SLC22A15: variants seen among roughly 807,000 people sequenced by gnomAD.
SLC22A15 encodes the protein flipt 1.
SLC22A15 carries 45 observed loss-of-function variants against 62.7 expected under a neutral mutation model. The observed-to-expected ratio is 0.72, with a 90% CI of 0.56 to 0.92. The LOEUF is 0.92. Among genes scored for constraint, SLC22A15 ranks in the 40% least tolerant of loss-of-function variants. SLC22A15 has a pLI of 0.00. For missense variants in SLC22A15, 622 were observed against 665.6 expected (o/e 0.93, Z 0.72); for synonymous variants, 264 against 267.0 (o/e 0.99, Z 0.11).
At chr1:116,055,340 C>T (rs1658171616) in intron 8 of SLC22A15, among the ~76,000 whole-genome samples, 1 of 151,864 alleles carries the variant, frequency 6.6e-6, no homozygotes, top group Non-Finnish European at 1.5e-5. Flanking sequence ...ATACACCCTC[C>T]CAAGACTAAA....
intron 8 of SLC22A15, among the ~76,000 whole-genome samples, chr1:116,060,515 T>A (rs963108437): frequency 6.6e-6 from 1 of 152,202 alleles, no homozygotes; most frequent in Non-Finnish European, 1.5e-5. Context: ...GGCAGTTCTT[T>A]AGCCTGTTGT....
rs115777757 is a variant in SLC22A15 at position 115,977,702 on chromosome 1, G to C, written c.87+988G>C. The stretch of plus-strand genomic sequence containing the variant: ...GCTTGCATTCCAGTGGCTGCGGGTG[G>C]GGCAGGCAGACAGTTAAGTAATTTA... On this transcript the variant is annotated intron_variant, in intron 1 of 11. Transcript: ENST00000369503. 3.6e-3 allele frequency among the ~76,000 whole-genome samples: 547 copies of C among 152,298 alleles called. 5 individuals are homozygous for C. The highest frequency in any genetic ancestry group is 0.013 in the African/African-American group (531 of 41,546).
chr1:116,009,351 G>A (rs1185169433), intron 2 of SLC22A15, among the ~76,000 whole-genome samples: 7,714 of 152,194 alleles, frequency 0.051, 679 homozygotes, highest in African/African-American at 0.18. Context: ...CTGTACTTCT[G>A]CTTTGTGCTT....
chr1:115,976,737 C>T (rs761697930), intron 1 of SLC22A15, 23 bp downstream of exon 1: 2 of 1,560,624 alleles, frequency 1.3e-6, no homozygotes, highest in South Asian at 1.1e-5. Flanking sequence ...GGCCCCGCAG[C>T]CGCATTTCCC....
intron 1 of SLC22A15, among the ~76,000 whole-genome samples, chr1:115,984,642 A>G (rs1291534591): frequency 6.6e-6 from 1 of 152,200 alleles, no homozygotes; most frequent in Non-Finnish European, 1.5e-5. Context: ...ACTGTAAACC[A>G]GCCTCAGGCA....
intron 8 of SLC22A15, among the ~76,000 whole-genome samples, chr1:116,051,477 T>C (rs1241793851): frequency 6.6e-6 from 1 of 152,178 alleles, no homozygotes; most frequent in Non-Finnish European, 1.5e-5. Flanking sequence ...GACACCCTTT[T>C]CAACATATGG....
At chr1:116,036,778 C>G (rs1187301506) in intron 7 of SLC22A15, among the ~76,000 whole-genome samples, 1 of 152,160 alleles carries the variant, frequency 6.6e-6, no homozygotes, top group Non-Finnish European at 1.5e-5. Context: ...AATAGCATTT[C>G]ACTTATTTCT....
chr1:116,060,034 G>T (rs911225), intron 8 of SLC22A15, among the ~76,000 whole-genome samples: 1 of 151,698 alleles, frequency 6.6e-6, no homozygotes, highest in Non-Finnish European at 1.5e-5. Context: ...CTTTTTTCTC[G>T]ACCATCACTT....
intron 1 of SLC22A15, among the ~76,000 whole-genome samples, chr1:115,986,387 T>C (rs1490744498): frequency 1.3e-5 from 2 of 152,078 alleles, no homozygotes; most frequent in Non-Finnish European, 1.5e-5. Flanking sequence ...CATTGAAAAT[T>C]AGAGTTGAAC....
intron 8 of SLC22A15, among the ~76,000 whole-genome samples, chr1:116,050,634 T>C (rs1445086153): frequency 6.6e-6 from 1 of 152,040 alleles, no homozygotes; most frequent in Non-Finnish European, 1.5e-5. Flanking sequence ...TACTGAAAAG[T>C]TGAAAGCATT....
intron 8 of SLC22A15, among the ~76,000 whole-genome samples, chr1:116,056,601 A>G (rs1275261384): frequency 1.3e-5 from 2 of 151,906 alleles, no homozygotes; most frequent in Non-Finnish European, 1.5e-5. Context: ...TCGCCAAGTC[A>G]ATCCTAAGCC....
At chr1:116,051,977 G>A (rs1032418019) in intron 8 of SLC22A15, among the ~76,000 whole-genome samples, 5 of 152,238 alleles carry the variant, frequency 3.3e-5, no homozygotes, top group Admixed American at 1.3e-4. Flanking sequence ...CGTGAGCGAC[G>A]CAGAAGATGG....
chr1:116,018,388 G>A (rs761151997), intron 2 of SLC22A15, among the ~76,000 whole-genome samples: 13 of 151,266 alleles, frequency 8.6e-5, no homozygotes, highest in East Asian at 1.9e-4. Flanking sequence ...TTTTTGAGAC[G>A]GAGTCTCGCT....
intron 2 of SLC22A15, among the ~76,000 whole-genome samples, chr1:115,994,259 A>G (rs1655310492): frequency 6.6e-6 from 1 of 152,210 alleles, no homozygotes; most frequent in South Asian, 2.1e-4. Flanking sequence ...TTGTTTAATG[A>G]TTATGATATG....
At chr1:115,993,079 C>G (rs1163801901) in intron 2 of SLC22A15, among the ~76,000 whole-genome samples, 1 of 152,076 alleles carries the variant, frequency 6.6e-6, no homozygotes, top group Non-Finnish European at 1.5e-5. Context: ...TCTGAGCCAG[C>G]CAGAGGTAAA....
chr1:116,066,360 T>C lies in SLC22A15; in HGVS notation c.1366-160T>C, dbSNP rs1241022600. On this transcript the variant is annotated intron_variant, in intron 10 of 11. Coordinates refer to ENST00000369503, the MANE Select transcript of SLC22A15 (RefSeq NM_018420.3). ...GGAATCATTCTCTGATTTCCCAGGA[T>C]AATTCTTTATGTGGAAAGAAGTGGC... 2.0e-5 allele frequency among the ~76,000 whole-genome samples: 3 copies of C among 152,226 alleles called. No individual in the cohort carries two copies. In the East Asian group the frequency reaches 5.8e-4, roughly 29 times the overall value.
At chr1:116,027,812 A>G (rs1332916371) in intron 5 of SLC22A15, among the ~76,000 whole-genome samples, 2 of 152,090 alleles carry the variant, frequency 1.3e-5, no homozygotes, top group Non-Finnish European at 2.9e-5. Flanking sequence ...TTTAGTAGAG[A>G]CAGGGTTTCT....
At chr1:116,019,797 C>CT in intron 3 of SLC22A15, 83 bp downstream of exon 3, 3 of 1,420,532 alleles carry the variant, frequency 2.1e-6, no homozygotes, top group South Asian at 2.8e-5. Flanking sequence ...GGACTATTTC[C>CT]TTAAGGTTCT....
At chr1:115,987,934 A>T (rs1345092115) in intron 1 of SLC22A15, among the ~76,000 whole-genome samples, 1 of 152,210 alleles carries the variant, frequency 6.6e-6, no homozygotes, top group African/African-American at 2.4e-5. Flanking sequence ...AGGTATTGTG[A>T]TGAGATAATT....
Sources: gnomAD v4.1 joint callset for allele counts (sites outside exome capture counted in the v4.1 genomes callset) on GRCh38, gnomAD v4.1.1 for gene constraint, MANE v1.5 for transcripts, NCBI Gene and HGNC (gene_info 2026-07-23, HGNC 2026-07-21) for gene names.